FMNL2: variants seen among roughly 807,000 people sequenced by gnomAD.
FMNL2 encodes formin like 2, also known as formin-like protein 2.
FMNL2 carries 51 observed loss-of-function variants against 130.2 expected under a neutral mutation model. The observed-to-expected ratio is 0.39, with a 90% confidence interval of 0.31 to 0.49. The LOEUF (loss-of-function observed/expected upper bound fraction) is 0.49, where lower values mean the gene tolerates loss of function less well. FMNL2 is among the 20% of genes least tolerant of loss of function. The pLI is 0.85. For synonymous variants in FMNL2, 465 were observed against 467.1 expected (o/e 1.00, Z 0.06); for missense variants, 977 against 1,316.2 (o/e 0.74, Z 3.99).
intron 5 of FMNL2, 51 bp downstream of exon 5, chr2:152,558,874 A>G (rs1695376059): frequency 1.3e-6 from 2 of 1,498,456 alleles, no homozygotes; most frequent in East Asian, 2.3e-5. Flanking sequence ...GTCACAGCAG[A>G]TGCTACTCAG....
In FMNL2 at chr2:152,560,920, T is replaced by A. The variant is rs1328421741; in HGVS notation, c.481T>A (p.Ser161Thr). 9.3e-6 allele frequency: 15 copies of A among 1,612,530 alleles called. No homozygotes were observed. Among genetic ancestry groups the A allele is most frequent in the Non-Finnish European group, 1.2e-5 (14 of 1,179,376 alleles). ...AAGTGTGGAGAGTACTGTGGAGAGC[T>A]CGGTGGACAAATCAAAGCCCTGGAG... ...FESVESTVES[S>T]VDKSKPWSRS... Residue 161 changes from serine to threonine, a missense_variant, in exon 6 of 26, where the codon TCG becomes ACG. Around this residue, in one of 4 missense-constraint regions of FMNL2, gnomAD observed 689 missense variants for 995.9 expected, o/e 0.69. Coordinates refer to ENST00000288670, the MANE Select transcript of FMNL2 (RefSeq NM_052905.4).
At chr2:152,643,794 A>G in intron 25 of FMNL2, 2 of 985,490 alleles carry the variant, frequency 2.0e-6, no homozygotes, top group Non-Finnish European at 2.4e-6. Context: ...AAATTTTCAG[A>G]AAAATAGAGC....
At chr2:152,622,495 A>AT (rs777705992) in intron 15 of FMNL2, 26 of 456,480 alleles carry the variant, frequency 5.7e-5, no homozygotes, top group Middle Eastern at 3.3e-4. Flanking sequence ...ACCATATCTA[A>AT]TTTTTTTTGT....
At chr2:152,364,977 C>T (rs1280183831) in intron 1 of FMNL2, among the ~76,000 whole-genome samples, 1 of 152,174 alleles carries the variant, frequency 6.6e-6, no homozygotes, top group Non-Finnish European at 1.5e-5. Flanking sequence ...CTTTTCAATC[C>T]ACCTATGTAT....
At chr2:152,550,104 C>T (rs1694854309) in intron 4 of FMNL2, among the ~76,000 whole-genome samples, 1 of 150,536 alleles carries the variant, frequency 6.6e-6, no homozygotes, top group African/African-American at 2.5e-5. Flanking sequence ...AAAACCTTTT[C>T]CCCCCCTCAT....
chr2:152,543,729 C>CAAAAAACAAAAAAAAAAAAAAA (rs1694450936), intron 3 of FMNL2, among the ~76,000 whole-genome samples: 1 of 61,396 alleles, frequency 1.6e-5, no homozygotes, highest in African/African-American at 6.8e-5. Flanking sequence ...ACCCCCCGAC[C>CAAAAAACAAAAAAAAAAAAAAA]AAAAAAAAAA....
rs916277632 is a variant in FMNL2 at position 152,640,014 on chromosome 2, ACTC to A, written c.3006_3008del (p.Leu1003del). On this transcript the variant is annotated inframe_deletion, in exon 24 of 26. Transcript: ENST00000288670. The stretch of plus-strand genomic sequence containing the variant: ...AGCAGGAACAAGCTCTCATGGAAAA[ACTC>A]CTAGAGCAAGAAGCTCTGATGGAGC... 6.4e-7 allele frequency: 1 copy of A among 1,557,470 alleles called. No individual in the cohort carries two copies. The highest frequency in any genetic ancestry group is 1.9e-5 in the Admixed American group (1 of 51,416).
chr2:152,514,150 T>C (rs531310051), intron 1 of FMNL2, among the ~76,000 whole-genome samples: 30 of 152,264 alleles, frequency 2.0e-4, no homozygotes, highest in African/African-American at 6.7e-4. Flanking sequence ...ATTACTCAGT[T>C]CCAAGTGACT....
intron 1 of FMNL2, among the ~76,000 whole-genome samples, chr2:152,386,522 A>AC (rs397831708): frequency 1.7e-4 from 25 of 150,784 alleles, no homozygotes; most frequent in African/African-American, 5.9e-4. Context: ...AACTCATTCA[A>AC]ACTCTAGGCT....
Position 152,395,635 on chromosome 2 carries a change from C to A in FMNL2, c.117+59915C>A, listed in dbSNP as rs983436806. On this transcript the variant is annotated intron_variant, in intron 1 of 25. Coordinates refer to ENST00000288670, the MANE Select transcript of FMNL2 (RefSeq NM_052905.4). ...TTAGAATTTTTGTTCAACTTCCCCACCCAATATGAATTTGGAGAAAAACAA... is the reference window on the plus strand; with the variant it reads ...TTAGAATTTTTGTTCAACTTCCCCAACCAATATGAATTTGGAGAAAAACAA... 1.3e-4 allele frequency among the ~76,000 whole-genome samples: 20 copies of A among 152,164 alleles called. 1 individual carries two copies. The highest frequency in any genetic ancestry group is 2.1e-4 in the Non-Finnish European group (14 of 68,030).
intron 1 of FMNL2, among the ~76,000 whole-genome samples, chr2:152,411,265 C>T (rs1398304441): frequency 6.6e-6 from 1 of 152,016 alleles, no homozygotes; most frequent in Non-Finnish European, 1.5e-5. Flanking sequence ...CTAATAAAAG[C>T]CCTAACAAAC....
At chr2:152,635,223 G>GT (rs1306657037) in intron 21 of FMNL2, among the ~76,000 whole-genome samples, 1 of 152,174 alleles carries the variant, frequency 6.6e-6, no homozygotes, top group East Asian at 1.9e-4. Context: ...AGCTTCTTGT[G>GT]TGGTTCCAAG....
Position 152,568,285 on chromosome 2 carries a change from G to A in FMNL2, c.597-6851G>A, listed in dbSNP as rs538612985. On this transcript the variant is annotated intron_variant, in intron 6 of 25. Coordinates refer to ENST00000288670, the MANE Select transcript of FMNL2 (RefSeq NM_052905.4). ...GGCTGGGATGTAGTGGCGTGATCTC[G>A]GCTCACTGCAACCTCCACCTCCCAG... is the stretch of plus-strand genomic sequence containing the variant. Among the ~76,000 whole-genome samples the A allele has an allele frequency of 2.3e-4, 34 of 147,398 alleles. No homozygotes were observed. The South Asian group carries it at 6.2e-3, about 27-fold the overall frequency.
chr2:152,360,103 T>G (rs1683075953), intron 1 of FMNL2, among the ~76,000 whole-genome samples: 2 of 152,188 alleles, frequency 1.3e-5, no homozygotes, highest in Non-Finnish European at 2.9e-5. Context: ...AGTTTCTCAT[T>G]ATCCTGTCAG....
At chr2:152,569,280 G>A (rs988530749) in intron 6 of FMNL2, among the ~76,000 whole-genome samples, 7 of 152,156 alleles carry the variant, frequency 4.6e-5, no homozygotes, top group East Asian at 1.9e-4. Context: ...CTGCTTCTCC[G>A]GATTTTCTTT....
chr2:152,547,870 T>G (rs2105523107), intron 3 of FMNL2, among the ~76,000 whole-genome samples: 1 of 152,256 alleles, frequency 6.6e-6, no homozygotes, highest in East Asian at 1.9e-4. Context: ...GAACTCCGCT[T>G]AGGAGGCGCT....
At chr2:152,615,148 T>G in intron 12 of FMNL2, 148 bp downstream of exon 12, 1 of 858,194 alleles carries the variant, frequency 1.2e-6, no homozygotes, top group Non-Finnish European at 1.7e-6. Context: ...GAAGCTGTTC[T>G]GTGTTTTTTC....
At chr2:152,622,781 A>C (rs1280572326) in intron 15 of FMNL2, among the ~76,000 whole-genome samples, 1 of 148,742 alleles carries the variant, frequency 6.7e-6, no homozygotes, top group East Asian at 2.0e-4. Flanking sequence ...TCCTGGATTC[A>C]TATGCCCTCT....
At chr2:152,577,215 G>T (rs558383535) in intron 7 of FMNL2, among the ~76,000 whole-genome samples, 1 of 152,080 alleles carries the variant, frequency 6.6e-6, no homozygotes, top group Non-Finnish European at 1.5e-5. Context: ...CCACAGCATT[G>T]GATATGAGGG....
Sources: gnomAD v4.1 joint callset for allele counts (sites outside exome capture counted in the v4.1 genomes callset) on GRCh38, gnomAD v4.1.1 for gene constraint, gnomAD v4.1.1 regional missense constraint, MANE v1.5 for transcripts, NCBI Gene and HGNC (gene_info 2026-07-23, HGNC 2026-07-21) for gene names.